FGF14: variants seen among roughly 807,000 people sequenced by gnomAD.
FGF14 encodes the protein fibroblast growth factor 14.
FGF14 carries 5 observed loss-of-function variants against 25.5 expected under a neutral mutation model. That is an observed-to-expected ratio of 0.20 (90% CI 0.10 to 0.41). The LOEUF (loss-of-function observed/expected upper bound fraction) is 0.41, where lower values mean the gene tolerates loss of function less well. Among genes scored for constraint, FGF14 ranks in the 10% least tolerant of loss-of-function variants. FGF14 has a pLI of 1.00. For synonymous variants in FGF14, 138 were observed against 118.3 expected, an observed-to-expected ratio of 1.17 and a Z score of -1.08; for missense variants, 222 against 320.1, an observed-to-expected ratio of 0.69 and a Z score of 2.34.
intron 1 of FGF14, among the ~76,000 whole-genome samples, chr13:102,282,129 C>T (rs991797218): frequency 2.0e-5 from 3 of 150,744 alleles, no homozygotes; most frequent in African/African-American, 4.9e-5. Context: ...TAAAATGGCA[C>T]GATCTCGGCT....
chr13:102,116,381 T>C (rs1246589694), intron 1 of FGF14, among the ~76,000 whole-genome samples: 2 of 152,144 alleles, frequency 1.3e-5, no homozygotes, highest in Non-Finnish European at 2.9e-5. Flanking sequence ...GTATAGTGTG[T>C]GTGTGCATGT....
intron 3 of FGF14, among the ~76,000 whole-genome samples, chr13:101,754,717 A>G (rs1192358452): frequency 6.6e-6 from 1 of 152,178 alleles, no homozygotes; most frequent in Non-Finnish European, 1.5e-5. Context: ...TGACGAAGTA[A>G]GACTCCATAA....
At chr13:102,334,172 A>G (rs2056720156) in intron 1 of FGF14, among the ~76,000 whole-genome samples, 1 of 152,202 alleles carries the variant, frequency 6.6e-6, no homozygotes, top group African/African-American at 2.4e-5. Flanking sequence ...CTCCTCTGTT[A>G]GCAGCCAAGT....
rs71125058 is a variant in FGF14 at position 102,257,342 on chromosome 13, C to CTTT, written c.208+144126_208+144128dup. On this transcript the variant is annotated intron_variant, in intron 1 of 4. Transcript: ENST00000376131. The stretch of plus-strand genomic sequence containing the variant: ...CATGCATGTCCATTTCCTTTCTTTT[C>CTTT]TTTTTTTTTTTTTTTTTTTTTTTTT... Among the ~76,000 whole-genome samples, 32 of 32,572 alleles carry CTTT rather than the reference C, an allele frequency of 9.8e-4. 9 individuals are homozygous for CTTT. The highest frequency in any genetic ancestry group is 1.8e-3 in the African/African-American group (14 of 7,818). The allele number at this position is 32,572 out of a possible 152,430, so 21.4% of individuals were successfully genotyped here.
chr13:102,296,577 T>C (rs1053541463), intron 1 of FGF14, among the ~76,000 whole-genome samples: 3 of 152,188 alleles, frequency 2.0e-5, no homozygotes, highest in African/African-American at 7.2e-5. Flanking sequence ...CAGATTCAAC[T>C]AAAACTGAAC....
intron 1 of FGF14, among the ~76,000 whole-genome samples, chr13:102,011,072 T>C (rs1555338986): frequency 6.6e-6 from 1 of 152,172 alleles, no homozygotes; most frequent in Non-Finnish European, 1.5e-5. Flanking sequence ...TATGAGAGGA[T>C]GAGAGTCCCA....
chr13:102,346,919 C>T (rs1424334912), intron 1 of FGF14, among the ~76,000 whole-genome samples: 1 of 152,110 alleles, frequency 6.6e-6, no homozygotes, highest in Admixed American at 6.6e-5. Context: ...TATTTAAGAA[C>T]AGCCATATTC....
At chr13:102,214,178 C>A (rs1376072670) in intron 1 of FGF14, among the ~76,000 whole-genome samples, 6 of 152,230 alleles carry the variant, frequency 3.9e-5, no homozygotes, top group Admixed American at 3.9e-4. Context: ...GCAAAATTAA[C>A]AATATTGGTC....
chr13:101,722,867 A>G lies in FGF14; in HGVS notation c.708T>C (p.Asn236=), dbSNP rs750328863. The stretch of plus-strand genomic sequence containing the variant: ...TACTCTTGTTGACTGGTTTGCCTCC[A>G]TTCATTATTGCAGACGCACTTGTGC... ...SKSTSASAIM[N]GGKPVNKSKT... The change falls in exon 5 of 5, where the codon AAT becomes AAC. Residue 236 remains asparagine, a synonymous_variant. Transcript: ENST00000376143. 10 of 1,613,230 alleles carry G rather than the reference A, an allele frequency of 6.2e-6. No homozygotes were observed. The South Asian group carries it at 9.9e-5, about 16-fold the overall frequency.
rs369443363 is a variant in FGF14, at chr13:102,281,390, G to C, written c.208+120081C>G. Among the ~76,000 whole-genome samples, 39 of 152,272 alleles carry C rather than the reference G, an allele frequency of 2.6e-4. No individual in the cohort carries two copies. The East Asian group carries it at 3.3e-3, about 13-fold the overall frequency. ...ACTCTATTCATCAGCCCAGCAAAGAGAGGGTATGTCTCATCAATGTTCTAG... is the reference window on the plus strand; with the variant it reads ...ACTCTATTCATCAGCCCAGCAAAGACAGGGTATGTCTCATCAATGTTCTAG... On this transcript the variant is annotated intron_variant, in intron 1 of 4. Transcript: ENST00000376131.
At chr13:101,960,302 C>G (rs550398123) in intron 1 of FGF14, among the ~76,000 whole-genome samples, 19 of 152,252 alleles carry the variant, frequency 1.2e-4, no homozygotes, top group African/African-American at 4.1e-4. Context: ...AATCCATCAC[C>G]TAGGTATTAA....
chr13:101,840,726 C>T (rs968460646), intron 3 of FGF14, among the ~76,000 whole-genome samples: 4 of 151,950 alleles, frequency 2.6e-5, no homozygotes, highest in Non-Finnish European at 5.9e-5. Context: ...AGCATGCACA[C>T]ATAACAGAGC....
At chr13:102,351,440 G>A (rs1055042892) in intron 1 of FGF14, among the ~76,000 whole-genome samples, 10 of 152,178 alleles carry the variant, frequency 6.6e-5, no homozygotes, top group Admixed American at 6.5e-4. Flanking sequence ...GAAATCTTCA[G>A]AGAGTATTTA....
chr13:101,946,539 T>C (rs1196491472), intron 1 of FGF14, among the ~76,000 whole-genome samples: 1 of 152,194 alleles, frequency 6.6e-6, no homozygotes, highest in Non-Finnish European at 1.5e-5. Flanking sequence ...GTAGTTCCAC[T>C]ATGTTCTCAA....
intron 1 of FGF14, among the ~76,000 whole-genome samples, chr13:102,131,902 G>C (rs74993003): frequency 0.052 from 7,882 of 152,240 alleles, 268 homozygotes; most frequent in Middle Eastern, 0.17. Context: ...AAATAGGAAA[G>C]TCAATATTAC....
At chr13:101,798,636 C>A (rs184183987) in intron 3 of FGF14, among the ~76,000 whole-genome samples, 4 of 152,086 alleles carry the variant, frequency 2.6e-5, no homozygotes, top group Admixed American at 6.6e-5. Context: ...AAGAATCTTG[C>A]TATGAATAGG....
At chr13:102,111,118 G>C (rs1051748954) in intron 1 of FGF14, among the ~76,000 whole-genome samples, 1 of 152,042 alleles carries the variant, frequency 6.6e-6, no homozygotes, top group African/African-American at 2.4e-5. Context: ...CTGTCAGTCA[G>C]GCCTTTCACA....
intron 1 of FGF14, among the ~76,000 whole-genome samples, chr13:102,324,556 T>G (rs913887492): frequency 6.6e-6 from 1 of 152,170 alleles, no homozygotes; most frequent in African/African-American, 2.4e-5. Flanking sequence ...TTGTCAGGGT[T>G]AGATCAGCTC....
chr13:101,837,287 GAT>G (rs2042972829), intron 3 of FGF14, among the ~76,000 whole-genome samples: 1 of 151,906 alleles, frequency 6.6e-6, no homozygotes, highest in Non-Finnish European at 1.5e-5. Flanking sequence ...TTATCTGTCC[GAT>G]TTGCCACTTC....
Sources: gnomAD v4.1 joint callset for allele counts (sites outside exome capture counted in the v4.1 genomes callset) on GRCh38, gnomAD v4.1.1 for gene constraint, MANE v1.5 for transcripts, NCBI Gene and HGNC (gene_info 2026-07-23, HGNC 2026-07-21) for gene names.